OPCML: variants seen among roughly 807,000 people sequenced by gnomAD.
OPCML encodes the protein opioid-binding protein/cell adhesion molecule.
Under a neutral mutation model 37.8 loss-of-function variants are expected in OPCML, and 13 were observed. The observed-to-expected ratio is 0.34, with a 90% CI of 0.22 to 0.55. The LOEUF is 0.55. OPCML is among the 20% of genes least tolerant of loss of function. The probability of loss-of-function intolerance (pLI) is 0.91; values close to 1 mark genes in which losing one functional copy is unlikely to be tolerated. For missense variants in OPCML, 341 were observed against 435.6 expected, an observed-to-expected ratio of 0.78 and a Z score of 1.93; for synonymous variants, 176 against 168.8, an observed-to-expected ratio of 1.04 and a Z score of -0.33.
At chr11:132,499,901 G>T (rs759043973) in intron 4 of OPCML, among the ~76,000 whole-genome samples, 1 of 152,184 alleles carries the variant, frequency 6.6e-6, no homozygotes, top group African/African-American at 2.4e-5. Context: ...CAATATGCTA[G>T]TTCCTGGCTC....
Position 133,248,912 on chromosome 11 carries a change from G to C in OPCML, c.61+283352C>G, listed in dbSNP as rs536108880. 1.2e-4 allele frequency among the ~76,000 whole-genome samples: 18 copies of C among 152,280 alleles called. 1 individual carries two copies. The South Asian group carries it at 3.7e-3, about 32-fold the overall frequency. On this transcript the variant is annotated intron_variant, in intron 1 of 7. Transcript: ENST00000524381. The stretch of plus-strand genomic sequence containing the variant: ...GAAGGTGAATGTCTTTGGAATTCAG[G>C]AGAAATCGTGAGATTAAAGTGATCT...
At chr11:132,584,757 A>T (rs758286988) in intron 3 of OPCML, among the ~76,000 whole-genome samples, 2 of 152,226 alleles carry the variant, frequency 1.3e-5, no homozygotes, top group South Asian at 4.1e-4. Flanking sequence ...GACAAGTTAA[A>T]TGTAACAATG....
At chr11:132,494,020 G>A (rs896393222) in intron 4 of OPCML, among the ~76,000 whole-genome samples, 7 of 152,152 alleles carry the variant, frequency 4.6e-5, no homozygotes, top group Admixed American at 6.5e-5. Flanking sequence ...TCCCTGTAGG[G>A]TGCCTTTCCC....
chr11:133,198,654 G>A (rs1938634837), intron 1 of OPCML, among the ~76,000 whole-genome samples: 1 of 152,232 alleles, frequency 6.6e-6, no homozygotes, highest in Admixed American at 6.5e-5. Context: ...CCCAGGGCAG[G>A]ACTAGTACTA....
intron 1 of OPCML, among the ~76,000 whole-genome samples, chr11:133,109,576 T>C (rs954850046): frequency 6.6e-6 from 1 of 152,024 alleles, no homozygotes; most frequent in Non-Finnish European, 1.5e-5. Context: ...TTTTTATAGA[T>C]CACTGATAGG....
At chr11:132,762,109 G>C (rs1946285520) in intron 2 of OPCML, among the ~76,000 whole-genome samples, 1 of 152,222 alleles carries the variant, frequency 6.6e-6, no homozygotes, top group Admixed American at 6.5e-5. Flanking sequence ...GTCCACTCCA[G>C]ACCCTGTTTC....
chr11:133,140,224 C>A (rs543360712), intron 1 of OPCML, among the ~76,000 whole-genome samples: 229 of 67,338 alleles, frequency 3.4e-3, no homozygotes, highest in African/African-American at 0.01. Context: ...AATAATAATA[C>A]TGATAGGCTG....
rs1447977975 is a variant in OPCML at position 132,416,697 on chromosome 11, C to G, written c.*3496G>C. ...ACTGGGGCCTCTTTGTGACACAACA[C>G]CTTACCTTTTCTTCTGTTTCGTGGA... is the stretch of plus-strand genomic sequence containing the variant. On this transcript the variant is annotated 3_prime_UTR_variant, in exon 8 of 8. Transcript: ENST00000524381. 1 of 152,164 alleles carries G rather than the reference C, an allele frequency of 6.6e-6. No individual in the cohort carries two copies. The highest frequency in any genetic ancestry group is 1.5e-5 in the Non-Finnish European group (1 of 68,040). 9.4% of individuals were successfully genotyped at this position (152,164 alleles called of 1,614,324 possible). A position where few individuals can be genotyped will look rare whatever the true frequency, so the allele number is the denominator to read the frequency against.
At chr11:133,511,001 C>G (rs1388403403) in intron 1 of OPCML, among the ~76,000 whole-genome samples, 1 of 152,178 alleles carries the variant, frequency 6.6e-6, no homozygotes, top group East Asian at 1.9e-4. Context: ...AAAGGAAACT[C>G]CTGATCCCTC....
intron 4 of OPCML, among the ~76,000 whole-genome samples, chr11:132,452,431 G>C (rs1478639800): frequency 6.6e-6 from 1 of 152,042 alleles, no homozygotes; most frequent in African/African-American, 2.4e-5. Context: ...ACCTCACACT[G>C]GGTGACGATG....
chr11:133,160,404 G>GTAGA (rs1273072415), intron 1 of OPCML, among the ~76,000 whole-genome samples: 1 of 152,344 alleles, frequency 6.6e-6, no homozygotes, highest in East Asian at 1.9e-4. Flanking sequence ...CAACTCAGCA[G>GTAGA]TAGACAGTAA....
intron 1 of OPCML, chr11:133,066,038 C>G (rs983015625): frequency 2.0e-5 from 3 of 152,566 alleles, no homozygotes; most frequent in Non-Finnish European, 4.4e-5. Context: ...GCCTGAGAAC[C>G]TTGGTGCCCG....
chr11:132,812,806 C>G (rs1316373858), intron 2 of OPCML, among the ~76,000 whole-genome samples: 1 of 152,214 alleles, frequency 6.6e-6, no homozygotes, highest in Non-Finnish European at 1.5e-5. Context: ...AACTTAAATT[C>G]TCCTTGAGGG....
intron 1 of OPCML, among the ~76,000 whole-genome samples, chr11:133,179,516 G>C (rs1331608765): frequency 6.6e-6 from 1 of 152,158 alleles, no homozygotes; most frequent in Non-Finnish European, 1.5e-5. Flanking sequence ...TGAGGCCAGG[G>C]AGAGCGGCAC....
chr11:132,495,204 A>G (rs1025097503), intron 4 of OPCML, among the ~76,000 whole-genome samples: 1 of 152,174 alleles, frequency 6.6e-6, no homozygotes, highest in East Asian at 1.9e-4. Flanking sequence ...GCCTTCATCC[A>G]TTAGGACTCT....
intron 1 of OPCML, among the ~76,000 whole-genome samples, chr11:133,236,047 G>A (rs748458917): frequency 3.3e-5 from 5 of 152,130 alleles, no homozygotes; most frequent in Non-Finnish European, 5.9e-5. Context: ...CTGTGATAAC[G>A]TTTAATTTTT....
chr11:133,281,312 T>A (rs1053351409), intron 1 of OPCML, among the ~76,000 whole-genome samples: 1 of 152,124 alleles, frequency 6.6e-6, no homozygotes, highest in African/African-American at 2.4e-5. Flanking sequence ...CTTGGTGCTG[T>A]TCTTAAGGTA....
chr11:133,303,608 C>T (rs531934502), intron 1 of OPCML, among the ~76,000 whole-genome samples: 4 of 152,272 alleles, frequency 2.6e-5, no homozygotes, highest in South Asian at 2.1e-4. Flanking sequence ...GGTCTGATGT[C>T]GAATGAGACT....
At chr11:133,396,074 A>G (rs1945279700) in intron 1 of OPCML, among the ~76,000 whole-genome samples, 2 of 151,972 alleles carry the variant, frequency 1.3e-5, no homozygotes, top group African/African-American at 4.8e-5. Context: ...CAGCTTTTAT[A>G]CTTTTCATAG....
Sources: gnomAD v4.1 joint callset for allele counts (sites outside exome capture counted in the v4.1 genomes callset) on GRCh38, gnomAD v4.1.1 for gene constraint, MANE v1.5 for transcripts, NCBI Gene and HGNC (gene_info 2026-07-23, HGNC 2026-07-21) for gene names.